LRMDA: variants seen among roughly 807,000 people sequenced by gnomAD.
LRMDA encodes the protein leucine-rich melanocyte differentiation-associated protein.
LRMDA carries 18 observed loss-of-function variants against 29.8 expected under a neutral mutation model. That is an observed-to-expected ratio of 0.60 (90% CI 0.42 to 0.90). The LOEUF is 0.90. LRMDA is among the 40% of genes least tolerant of loss of function. LRMDA has a pLI of 0.00. For missense variants in LRMDA, 273 were observed against 273.9 expected, an observed-to-expected ratio of 1.00 and a Z score of 0.02; for synonymous variants, 125 against 109.4, an observed-to-expected ratio of 1.14 and a Z score of -0.89.
intron 5 of LRMDA, among the ~76,000 whole-genome samples, chr10:76,307,063 CTAGCT>C (rs2132371574): frequency 1.3e-5 from 2 of 152,218 alleles, no homozygotes; most frequent in East Asian, 3.9e-4. Flanking sequence ...AGCTCTTAGT[CTAGCT>C]TTTTGTGGTT....
At chr10:75,619,842 T>C (rs1332188813) in intron 2 of LRMDA, among the ~76,000 whole-genome samples, 1 of 152,226 alleles carries the variant, frequency 6.6e-6, no homozygotes. Flanking sequence ...GACCCTTGTG[T>C]GCAAATTGCT....
intron 2 of LRMDA, among the ~76,000 whole-genome samples, chr10:75,733,393 T>G (rs1196547739): frequency 6.6e-6 from 1 of 152,224 alleles, no homozygotes; most frequent in African/African-American, 2.4e-5. Flanking sequence ...GTTCGTATGG[T>G]TCATATTTGC....
In LRMDA at chr10:75,614,883, C is replaced by A. The variant is rs1841079746; in HGVS notation, c.131+176389C>A. On this transcript the variant is annotated intron_variant, in intron 2 of 6. Coordinates refer to ENST00000611255, the MANE Select transcript of LRMDA (RefSeq NM_001305581.2). ...GAGGCATGTGCCCATTGTGGAACAT[C>A]TGTGTTCAGTGGCTGGAAAAGAGGA... Among the ~76,000 whole-genome samples the A allele has an allele frequency of 1.3e-5, 2 of 151,896 alleles. 1 individual carries two copies. The highest frequency in any genetic ancestry group is 4.2e-4 in the South Asian group (2 of 4,816).
intron 6 of LRMDA, among the ~76,000 whole-genome samples, chr10:76,516,688 C>G (rs1277879925): frequency 6.6e-6 from 1 of 152,128 alleles, no homozygotes; most frequent in Non-Finnish European, 1.5e-5. Flanking sequence ...TTTTTTATGG[C>G]TGCATAGTAT....
At chr10:75,639,611 G>A (rs1018066895) in intron 2 of LRMDA, among the ~76,000 whole-genome samples, 1 of 152,180 alleles carries the variant, frequency 6.6e-6, no homozygotes, top group African/African-American at 2.4e-5. Context: ...GCGGCTTGGC[G>A]TGCAGTGCTC....
In LRMDA at chr10:76,433,057, A is replaced by G. The variant is rs191990948; in HGVS notation, c.601+108572A>G. Among the ~76,000 whole-genome samples the G allele has an allele frequency of 2.0e-3, 301 of 152,312 alleles. 2 individuals are homozygous for G. Among genetic ancestry groups the G allele is most frequent in the Non-Finnish European group, 4.7e-4 (32 of 68,022 alleles). On this transcript the variant is annotated intron_variant, in intron 6 of 6. Coordinates refer to ENST00000611255, the MANE Select transcript of LRMDA (RefSeq NM_001305581.2). ...GTGGAGCCACATTGAACTCAGAAGTATAAGTGAAGAACCCACTATAATGTT... is the reference window on the plus strand; with the variant it reads ...GTGGAGCCACATTGAACTCAGAAGTGTAAGTGAAGAACCCACTATAATGTT...
At chr10:75,686,912 A>G (rs1215341176) in intron 2 of LRMDA, among the ~76,000 whole-genome samples, 6 of 152,160 alleles carry the variant, frequency 3.9e-5, no homozygotes, top group Admixed American at 6.6e-5. Context: ...CATTATGACT[A>G]TATGTATTAT....
At chr10:75,666,234 C>T (rs767181901) in intron 2 of LRMDA, among the ~76,000 whole-genome samples, 11 of 151,806 alleles carry the variant, frequency 7.2e-5, no homozygotes, top group Non-Finnish European at 1.3e-4. Flanking sequence ...ATCTGAATTG[C>T]AGTATGTTTA....
intron 5 of LRMDA, among the ~76,000 whole-genome samples, chr10:76,095,875 G>A (rs977783323): frequency 4.0e-5 from 6 of 151,784 alleles, no homozygotes; most frequent in Non-Finnish European, 7.4e-5. Context: ...TTGTCGGGAG[G>A]CGGAGCTTGC....
At chr10:75,529,385 G>C (rs1845450107) in intron 2 of LRMDA, among the ~76,000 whole-genome samples, 1 of 152,176 alleles carries the variant, frequency 6.6e-6, no homozygotes. Context: ...CAAGATTGAG[G>C]GAAGTGTGAA....
intron 2 of LRMDA, among the ~76,000 whole-genome samples, chr10:75,567,039 T>C (rs1250458616): frequency 6.6e-6 from 1 of 152,236 alleles, no homozygotes; most frequent in East Asian, 1.9e-4. Flanking sequence ...TCTCATTTAC[T>C]ATTTATCAAG....
chr10:75,944,512 T>C (rs1301918918), intron 2 of LRMDA, among the ~76,000 whole-genome samples: 1 of 151,768 alleles, frequency 6.6e-6, no homozygotes, highest in African/African-American at 2.4e-5. Flanking sequence ...CTCCATTCTA[T>C]TTTTTTCTCC....
chr10:76,069,354 G>C (rs1435724717), intron 5 of LRMDA, among the ~76,000 whole-genome samples: 1 of 152,142 alleles, frequency 6.6e-6, no homozygotes, highest in Non-Finnish European at 1.5e-5. Context: ...GAACAGACAG[G>C]GCTCCATCAA....
At chr10:75,687,463 C>G (rs954433477) in intron 2 of LRMDA, among the ~76,000 whole-genome samples, 1 of 152,202 alleles carries the variant, frequency 6.6e-6, no homozygotes, top group African/African-American at 2.4e-5. Flanking sequence ...CCCTAAATCT[C>G]TACAGGTCCA....
At chr10:75,725,173 A>G (rs1842615860) in intron 2 of LRMDA, among the ~76,000 whole-genome samples, 2 of 152,222 alleles carry the variant, frequency 1.3e-5, no homozygotes, top group African/African-American at 4.8e-5. Context: ...TTTCACCCAG[A>G]TTTTTGGGAA....
intron 5 of LRMDA, among the ~76,000 whole-genome samples, chr10:76,157,168 G>A (rs534484265): frequency 3.3e-5 from 5 of 152,278 alleles, no homozygotes; most frequent in African/African-American, 1.2e-4. Flanking sequence ...TTTGAAAATG[G>A]ATCAAGGTAA....
intron 2 of LRMDA, among the ~76,000 whole-genome samples, chr10:75,946,932 A>G (rs1269361608): frequency 6.6e-6 from 1 of 152,108 alleles, no homozygotes; most frequent in Admixed American, 6.6e-5. Flanking sequence ...CCTTCACGTC[A>G]CATAGGAGGA....
At chr10:76,136,924 G>A (rs964984142) in intron 5 of LRMDA, among the ~76,000 whole-genome samples, 4 of 152,324 alleles carry the variant, frequency 2.6e-5, no homozygotes, top group African/African-American at 9.6e-5. Context: ...AAGGAGGTTT[G>A]TGGAACTTGG....
chr10:76,400,472 G>C (rs1841836530), intron 6 of LRMDA, among the ~76,000 whole-genome samples: 1 of 152,168 alleles, frequency 6.6e-6, no homozygotes, highest in Non-Finnish European at 1.5e-5. Context: ...CTGTATCCTA[G>C]AGCAGCTAGA....
Sources: gnomAD v4.1 joint callset for allele counts (sites outside exome capture counted in the v4.1 genomes callset) on GRCh38, gnomAD v4.1.1 for gene constraint, MANE v1.5 for transcripts, NCBI Gene and HGNC (gene_info 2026-07-23, HGNC 2026-07-21) for gene names.